The following ENOX2 variants were observed in gnomAD, a reference collection of about 807,000 sequenced individuals.
ENOX2 encodes the protein APK1 antigen.
Under a neutral mutation model 45.0 loss-of-function variants are expected in ENOX2, and 36 were observed. The observed-to-expected ratio is 0.80, with a 90% CI of 0.61 to 1.06. The LOEUF (loss-of-function observed/expected upper bound fraction) is 1.06, where lower values mean the gene tolerates loss of function less well. ENOX2 is among the 50% of genes least tolerant of loss of function. The pLI is 0.00. For missense variants in ENOX2, 423 were observed against 462.5 expected, an observed-to-expected ratio of 0.91 and a Z score of 0.78; for synonymous variants, 174 against 152.3, an observed-to-expected ratio of 1.14 and a Z score of -1.05.
At chrX:130,721,932 G>A (rs2038488625) in intron 3 of ENOX2, among the ~76,000 whole-genome samples, 2 of 112,059 alleles carry the variant, frequency 1.8e-5, no homozygotes, top group Non-Finnish European at 3.8e-5. Context: ...GTCTGTTTGT[G>A]ATCCCAGCCC....
intron 2 of ENOX2, among the ~76,000 whole-genome samples, chrX:130,792,468 T>C (rs377529220): frequency 2.7e-5 from 3 of 112,552 alleles, no homozygotes; most frequent in South Asian, 7.3e-4. Context: ...ACTAGCCATA[T>C]GTAGCTCTTT....
intron 3 of ENOX2, among the ~76,000 whole-genome samples, chrX:130,704,195 T>C (rs1201429484): frequency 1.8e-5 from 2 of 112,005 alleles, no homozygotes; most frequent in East Asian, 2.8e-4. Flanking sequence ...ACTCAAATGG[T>C]ATAGATCAGA....
At chrX:130,796,872 C>T (rs1445976184) in intron 2 of ENOX2, among the ~76,000 whole-genome samples, 1 of 112,143 alleles carries the variant, frequency 8.9e-6, no homozygotes, top group Non-Finnish European at 1.9e-5. Context: ...TGTTGTTTTT[C>T]TCCCTGCCAA....
At chrX:130,882,890 C>A (rs1450764049) in intron 2 of ENOX2, among the ~76,000 whole-genome samples, 1 of 111,559 alleles carries the variant, frequency 9.0e-6, no homozygotes, top group Non-Finnish European at 1.9e-5. Flanking sequence ...TGAAGACAAA[C>A]TTGCCATCCA....
chrX:130,645,828 A>T, intron 10 of ENOX2: 1 of 717,491 alleles, frequency 1.4e-6, no homozygotes, highest in Non-Finnish European at 2.2e-6. Context: ...CACCACCTCC[A>T]GGCAGGAGGA....
At chrX:130,741,026 T>C (rs1368898108) in intron 3 of ENOX2, among the ~76,000 whole-genome samples, 1 of 111,908 alleles carries the variant, frequency 8.9e-6, no homozygotes, top group East Asian at 2.8e-4. Context: ...ACTCATTAAA[T>C]AGGAAATGTA....
intron 4 of ENOX2, 110 bp downstream of exon 4, chrX:130,703,010 G>C (rs2037939220): frequency 1.2e-6 from 1 of 841,220 alleles, no homozygotes; most frequent in Non-Finnish European, 1.7e-6. Context: ...GCACACTCTA[G>C]GCAGAATCTG....
At chrX:130,632,050 C>G (rs2035754002) in intron 12 of ENOX2, among the ~76,000 whole-genome samples, 1 of 111,108 alleles carries the variant, frequency 9.0e-6, no homozygotes, top group East Asian at 2.8e-4. Context: ...AAGGTCCACA[C>G]TCTGTTAATG....
At chrX:130,737,134 GA>G (rs1210211565) in intron 3 of ENOX2, among the ~76,000 whole-genome samples, 2 of 112,174 alleles carry the variant, frequency 1.8e-5, no homozygotes, top group Non-Finnish European at 3.8e-5. Flanking sequence ...AGCTTTTAAG[GA>G]GTCTTAAAAT....
At chrX:130,810,762 C>G (rs1201646296) in intron 2 of ENOX2, among the ~76,000 whole-genome samples, 1 of 112,197 alleles carries the variant, frequency 8.9e-6, no homozygotes, top group African/African-American at 3.2e-5. Context: ...CAGGCCTGCC[C>G]CAACAGACGA....
chrX:130,748,585 G>T (rs1044062931), intron 3 of ENOX2, among the ~76,000 whole-genome samples: 2 of 112,317 alleles, frequency 1.8e-5, no homozygotes, highest in Non-Finnish European at 3.8e-5. Flanking sequence ...TATTGAAAGA[G>T]CCTTAAGCTA....
At chrX:130,847,887 G>A (rs1407580608) in intron 2 of ENOX2, among the ~76,000 whole-genome samples, 1 of 112,132 alleles carries the variant, frequency 8.9e-6, no homozygotes, top group African/African-American at 3.2e-5. Flanking sequence ...CTTCAGACAA[G>A]TTTTAGTTAC....
chrX:130,869,451 A>G (rs1437087877), intron 2 of ENOX2, among the ~76,000 whole-genome samples: 3 of 111,284 alleles, frequency 2.7e-5, no homozygotes, highest in Non-Finnish European at 5.7e-5. Context: ...CCACTTTCCT[A>G]TCCACACACC....
chrX:130,792,545 A>T (rs2077058919), intron 2 of ENOX2, among the ~76,000 whole-genome samples: 1 of 112,507 alleles, frequency 8.9e-6, no homozygotes, highest in Non-Finnish European at 1.9e-5. Context: ...CTGTAATCCC[A>T]GCACTTTGGG....
At chrX:130,671,222 G>C (rs189067416) in intron 6 of ENOX2, among the ~76,000 whole-genome samples, 1 of 111,822 alleles carries the variant, frequency 8.9e-6, no homozygotes, top group East Asian at 2.8e-4. Flanking sequence ...TAGAGTAACG[G>C]GTTAGATTTG....
intron 11 of ENOX2, among the ~76,000 whole-genome samples, chrX:130,636,312 G>C (rs1362142354): frequency 8.9e-6 from 1 of 112,643 alleles, no homozygotes; most frequent in East Asian, 2.8e-4. Flanking sequence ...GACAATAGTG[G>C]CAGAAAGAAT....
intron 2 of ENOX2, among the ~76,000 whole-genome samples, chrX:130,856,221 G>T (rs1032488827): frequency 8.9e-6 from 1 of 112,399 alleles, no homozygotes; most frequent in Admixed American, 9.4e-5. Context: ...CACCATTTTT[G>T]ATCAAGAAAG....
intron 3 of ENOX2, among the ~76,000 whole-genome samples, chrX:130,753,376 ATC>A (rs1417778606): frequency 9.2e-6 from 1 of 109,096 alleles, no homozygotes; most frequent in Non-Finnish European, 1.9e-5. Flanking sequence ...TTGTCTGTCC[ATC>A]TCTCTTTGTA....
chrX:130,799,722 T>C (rs2077187130), intron 2 of ENOX2, among the ~76,000 whole-genome samples: 1 of 111,324 alleles, frequency 9.0e-6, no homozygotes, highest in African/African-American at 3.3e-5. Context: ...AAGACATCCA[T>C]AAAAGCATGA....
Sources: gnomAD v4.1 joint callset for allele counts (sites outside exome capture counted in the v4.1 genomes callset) on GRCh38, gnomAD v4.1.1 for gene constraint, MANE v1.5 for transcripts, NCBI Gene and HGNC (gene_info 2026-07-23, HGNC 2026-07-21) for gene names.